TRPM3: variants seen among roughly 807,000 people sequenced by gnomAD.
TRPM3 encodes the protein long transient receptor potential channel 3.
TRPM3 carries 77 observed loss-of-function variants against 181.2 expected under a neutral mutation model. That is an observed-to-expected ratio of 0.42 (90% CI 0.35 to 0.51). The LOEUF (loss-of-function observed/expected upper bound fraction) is 0.51. Ranked by LOEUF, TRPM3 falls within the 20% of genes least tolerant of loss-of-function variation. The probability of loss-of-function intolerance (pLI) is 0.01; values close to 1 mark genes in which losing one functional copy is unlikely to be tolerated. For missense variants in TRPM3, 1,759 were observed against 2,196.7 expected (o/e 0.80, Z 3.98); for synonymous variants, 745 against 796.4 (o/e 0.94, Z 1.09).
At chr9:71,214,758 T>A (rs941625297) in intron 1 of TRPM3, among the ~76,000 whole-genome samples, 1 of 152,154 alleles carries the variant, frequency 6.6e-6, no homozygotes, top group African/African-American at 2.4e-5. Flanking sequence ...AACATATTCC[T>A]GAATATTCCA....
chr9:70,897,077 ATTTC>A (rs1345882389), intron 1 of TRPM3, among the ~76,000 whole-genome samples: 1 of 144,662 alleles, frequency 6.9e-6, no homozygotes, highest in Admixed American at 7.1e-5. Context: ...AACATTTATC[ATTTC>A]TTTGTGTTGA....
At chr9:70,576,913 T>C (rs1316550726) in intron 22 of TRPM3, among the ~76,000 whole-genome samples, 2 of 152,218 alleles carry the variant, frequency 1.3e-5, no homozygotes, top group Non-Finnish European at 2.9e-5. Context: ...CCCTTGCTGT[T>C]CTCTCTGTCT....
intron 1 of TRPM3, among the ~76,000 whole-genome samples, chr9:71,135,267 C>T (rs2074694159): frequency 6.6e-6 from 1 of 152,150 alleles, no homozygotes; most frequent in African/African-American, 2.4e-5. Flanking sequence ...CAAATCCTTC[C>T]ATCTGTCACT....
chr9:70,557,583 G>C (rs75823593), intron 22 of TRPM3, among the ~76,000 whole-genome samples: 167 of 152,282 alleles, frequency 1.1e-3, no homozygotes, highest in African/African-American at 3.9e-3. Flanking sequence ...TTCCAGGATG[G>C]GGAATAAATT....
intron 8 of TRPM3, among the ~76,000 whole-genome samples, chr9:70,751,952 G>A (rs958478744): frequency 7.3e-5 from 11 of 150,802 alleles, no homozygotes; most frequent in African/African-American, 2.4e-4. Flanking sequence ...TTGAGCATGA[G>A]GAGAATGAAT....
chr9:71,276,410 C>A (rs567171723), intron 1 of TRPM3, among the ~76,000 whole-genome samples: 2 of 151,968 alleles, frequency 1.3e-5, no homozygotes, highest in South Asian at 4.2e-4. Context: ...AAAATTTAAG[C>A]TATAAATTTG....
At chr9:70,606,651 G>GTGTGTATA (rs145779027) in intron 19 of TRPM3, among the ~76,000 whole-genome samples, 54,392 of 140,306 alleles carry the variant, frequency 0.39, 11,647 homozygotes, top group Non-Finnish European at 0.48. Context: ...GTGTGTGTGT[G>GTGTGTATA]TATATATATA....
At chr9:71,005,647 A>AT (rs1554797384) in intron 1 of TRPM3, among the ~76,000 whole-genome samples, 1 of 152,204 alleles carries the variant, frequency 6.6e-6, no homozygotes, top group Non-Finnish European at 1.5e-5. Flanking sequence ...GGAAAAAAAA[A>AT]CTGTCAACCA....
intron 8 of TRPM3, among the ~76,000 whole-genome samples, chr9:70,756,133 CAAACAAAACA>C (rs774517376): frequency 6.6e-6 from 1 of 151,056 alleles, no homozygotes; most frequent in Non-Finnish European, 1.5e-5. Context: ...AAATGGAAAG[CAAACAAAACA>C]AAACAAAACA....
intron 1 of TRPM3, among the ~76,000 whole-genome samples, chr9:70,865,010 C>T (rs1416213742): frequency 8.5e-6 from 1 of 117,344 alleles, no homozygotes; most frequent in South Asian, 2.6e-4. Flanking sequence ...TATCACTATG[C>T]TTTTTTCTAA....
At chr9:70,626,520 A>G (rs2064646721) in intron 12 of TRPM3, among the ~76,000 whole-genome samples, 1 of 152,176 alleles carries the variant, frequency 6.6e-6, no homozygotes. Flanking sequence ...TGGTTTTCCA[A>G]CTTTGGTGGC....
intron 19 of TRPM3, 36 bp from the exon 20 acceptor site, chr9:70,603,506 A>G: frequency 6.2e-7 from 1 of 1,608,208 alleles, no homozygotes; most frequent in Non-Finnish European, 8.5e-7. Context: ...CTGGCTGTTC[A>G]GGCCCAGGAG....
At chr9:70,618,757 C>T (rs2063168690) in intron 17 of TRPM3, 110 bp downstream of exon 17, 2 of 897,584 alleles carry the variant, frequency 2.2e-6, no homozygotes, top group Admixed American at 2.3e-5. Flanking sequence ...GATTTAGAAC[C>T]TCCCTCCTGA....
chr9:71,264,506 G>A (rs935832029), intron 1 of TRPM3, among the ~76,000 whole-genome samples: 1 of 152,154 alleles, frequency 6.6e-6, no homozygotes, highest in East Asian at 1.9e-4. Flanking sequence ...CATAAAAATA[G>A]CCTCCTCTTA....
chr9:70,922,877 T>C (rs1398417697), intron 1 of TRPM3, among the ~76,000 whole-genome samples: 1 of 152,220 alleles, frequency 6.6e-6, no homozygotes, highest in African/African-American at 2.4e-5. Flanking sequence ...AACCAGCATG[T>C]TATATAGAAT....
intron 1 of TRPM3, among the ~76,000 whole-genome samples, chr9:71,204,388 A>T (rs1434539896): frequency 1.3e-5 from 2 of 152,254 alleles, no homozygotes; most frequent in Non-Finnish European, 2.9e-5. Context: ...CAACCCCATG[A>T]ACAAGTAGGC....
At chr9:70,789,172 G>A (rs181689350) in intron 6 of TRPM3, among the ~76,000 whole-genome samples, 3 of 152,238 alleles carry the variant, frequency 2.0e-5, no homozygotes, top group African/African-American at 7.2e-5. Flanking sequence ...GAATCTGCAG[G>A]ATAAGACTTC....
chr9:71,324,990 A>T (rs765107026), intron 1 of TRPM3, among the ~76,000 whole-genome samples: 2 of 152,060 alleles, frequency 1.3e-5, no homozygotes, highest in Non-Finnish European at 2.9e-5. Context: ...TTTAAAGAGT[A>T]CAAATATACG....
chr9:71,308,659 T>G (rs1466745146), intron 1 of TRPM3, among the ~76,000 whole-genome samples: 2 of 151,628 alleles, frequency 1.3e-5, no homozygotes, highest in Non-Finnish European at 2.9e-5. Flanking sequence ...GTAATGGGGG[T>G]TTTTTGACAT....
Sources: allele counts gnomAD v4.1 joint callset (sites outside exome capture counted in the v4.1 genomes callset), GRCh38; gene constraint gnomAD v4.1.1; transcripts MANE v1.5; gene names NCBI Gene and HGNC (gene_info 2026-07-23, HGNC 2026-07-21).